Variants in ATXN7L1 observed in about 807,000 individuals in gnomAD.
The protein encoded by ATXN7L1 is ataxin 7 like 1, also known as ataxin-7-like protein 1.
A neutral mutation model predicts 70.8 loss-of-function variants in ATXN7L1; 15 were observed. That is an observed-to-expected ratio of 0.21 (90% CI 0.14 to 0.33). The LOEUF (loss-of-function observed/expected upper bound fraction) is 0.33. ATXN7L1 is among the 10% of genes least tolerant of loss of function. ATXN7L1 has a pLI of 1.00. For missense variants in ATXN7L1, 975 were observed against 1,097.1 expected (o/e 0.89, Z 1.57); for synonymous variants, 440 against 445.1 (o/e 0.99, Z 0.14).
chr7:105,767,982 C>A (rs144470453), intron 3 of ATXN7L1, among the ~76,000 whole-genome samples: 2 of 152,200 alleles, frequency 1.3e-5, no homozygotes, highest in Non-Finnish European at 2.9e-5. Flanking sequence ...TCAGGCCAGA[C>A]GTCTAAACGT....
intron 1 of ATXN7L1, 25 bp from the exon 2 acceptor site, chr7:105,875,905 A>C: frequency 6.2e-7 from 1 of 1,607,554 alleles, no homozygotes; most frequent in South Asian, 1.1e-5. Context: ...GAAAAGGAAA[A>C]CAGAAAATAA....
At chr7:105,730,248 G>A (rs767986630) in intron 3 of ATXN7L1, among the ~76,000 whole-genome samples, 6 of 152,340 alleles carry the variant, frequency 3.9e-5, no homozygotes, top group Middle Eastern at 3.4e-3. Context: ...CTTGATGTAT[G>A]TGATGAAAAT....
intron 4 of ATXN7L1, among the ~76,000 whole-genome samples, chr7:105,645,176 A>T (rs1372565422): frequency 1.3e-5 from 2 of 152,140 alleles, no homozygotes; most frequent in Non-Finnish European, 2.9e-5. Context: ...AAAGTTCTGG[A>T]GATTGGTTGC....
At chr7:105,747,361 G>C (rs1798701085) in intron 3 of ATXN7L1, among the ~76,000 whole-genome samples, 1 of 152,168 alleles carries the variant, frequency 6.6e-6, no homozygotes, top group African/African-American at 2.4e-5. Flanking sequence ...CTGAACACGT[G>C]GATGCTTACA....
intron 3 of ATXN7L1, among the ~76,000 whole-genome samples, chr7:105,764,940 A>G (rs1801047504): frequency 6.6e-6 from 1 of 152,166 alleles, no homozygotes; most frequent in Admixed American, 6.5e-5. Context: ...AATGAAATGC[A>G]GGATTATTTC....
intron 3 of ATXN7L1, among the ~76,000 whole-genome samples, chr7:105,752,581 G>A (rs1298787380): frequency 6.6e-6 from 1 of 152,146 alleles, no homozygotes; most frequent in Admixed American, 6.5e-5. Flanking sequence ...TTCCCAGGTG[G>A]CTCAAACATG....
chr7:105,617,914 C>T (rs1400030202), intron 9 of ATXN7L1: 2 of 456,590 alleles, frequency 4.4e-6, no homozygotes, highest in Non-Finnish European at 8.8e-6. Context: ...CGGCTGCCAT[C>T]CCTCCAGGTT....
At chr7:105,837,575 C>T (rs1289613242) in intron 2 of ATXN7L1, among the ~76,000 whole-genome samples, 1 of 152,052 alleles carries the variant, frequency 6.6e-6, no homozygotes, top group Non-Finnish European at 1.5e-5. Flanking sequence ...ATCCACAGCA[C>T]CAGTGAAAGG....
At chr7:105,863,268 A>G (rs1293460248) in intron 2 of ATXN7L1, among the ~76,000 whole-genome samples, 1 of 152,256 alleles carries the variant, frequency 6.6e-6, no homozygotes, top group African/African-American at 2.4e-5. Flanking sequence ...CCCTGAGGCC[A>G]GGACTCTGGC....
intron 3 of ATXN7L1, among the ~76,000 whole-genome samples, chr7:105,767,566 A>C (rs890908150): frequency 2.0e-5 from 3 of 152,134 alleles, no homozygotes; most frequent in African/African-American, 7.2e-5. Flanking sequence ...AAGTGTATAG[A>C]TGTCTGGTGT....
intron 3 of ATXN7L1, among the ~76,000 whole-genome samples, chr7:105,737,496 T>C (rs1039415709): frequency 6.6e-6 from 1 of 151,988 alleles, no homozygotes; most frequent in Non-Finnish European, 1.5e-5. Context: ...CATAGTAGCA[T>C]GCAGCTCTAG....
chr7:105,607,675 T>C lies in ATXN7L1; in HGVS notation c.*177A>G. On this transcript the variant is annotated 3_prime_UTR_variant, in exon 12 of 12. Coordinates refer to ENST00000419735, the MANE Select transcript of ATXN7L1 (RefSeq NM_020725.2). Reference sequence around the variant, plus strand: ...TGTAAATCTCAAATTCACCTTCTTTTGCCTTTTTAACTAAAAATTGGTCAA... The same window carrying C: ...TGTAAATCTCAAATTCACCTTCTTTCGCCTTTTTAACTAAAAATTGGTCAA... 1 of 589,732 alleles carries C rather than the reference T, an allele frequency of 1.7e-6. No individual in the cohort carries two copies. The highest frequency in any genetic ancestry group is 2.8e-5 in the East Asian group (1 of 35,986). The allele number at this position is 589,732 out of a possible 1,614,324, so 36.5% of individuals were successfully genotyped here.
At chr7:105,722,779 G>A (rs1795352402) in intron 3 of ATXN7L1, among the ~76,000 whole-genome samples, 1 of 151,506 alleles carries the variant, frequency 6.6e-6, no homozygotes, top group African/African-American at 2.4e-5. Context: ...CCACTACTCG[G>A]GAGGCTGAGG....
intron 3 of ATXN7L1, among the ~76,000 whole-genome samples, chr7:105,755,243 C>A (rs1351967473): frequency 6.6e-6 from 1 of 152,098 alleles, no homozygotes; most frequent in African/African-American, 2.4e-5. Flanking sequence ...AGAAATGATA[C>A]CCCAGCTGGA....
intron 3 of ATXN7L1, among the ~76,000 whole-genome samples, chr7:105,722,762 G>A (rs1012806555): frequency 6.6e-6 from 1 of 151,642 alleles, no homozygotes; most frequent in Non-Finnish European, 1.5e-5. Flanking sequence ...GCATGTGCCT[G>A]TAATCCCCAC....
At chr7:105,809,283 T>G (rs1459550717) in intron 2 of ATXN7L1, among the ~76,000 whole-genome samples, 2 of 152,240 alleles carry the variant, frequency 1.3e-5, no homozygotes, top group African/African-American at 4.8e-5. Flanking sequence ...CCATATAACA[T>G]GAGATCTACT....
chr7:105,842,333 A>T (rs1198086102), intron 2 of ATXN7L1, among the ~76,000 whole-genome samples: 1 of 152,010 alleles, frequency 6.6e-6, no homozygotes, highest in Non-Finnish European at 1.5e-5. Context: ...ATATGAGAAT[A>T]TTTTTACCAC....
chr7:105,780,937 T>A (rs747095043), intron 3 of ATXN7L1, among the ~76,000 whole-genome samples: 11 of 152,264 alleles, frequency 7.2e-5, no homozygotes, highest in South Asian at 2.1e-4. Flanking sequence ...CAGAAAAGCA[T>A]GAAATACAGT....
chr7:105,732,056 G>A (rs563565997), intron 3 of ATXN7L1, among the ~76,000 whole-genome samples: 1 of 152,204 alleles, frequency 6.6e-6, no homozygotes, highest in Admixed American at 6.5e-5. Flanking sequence ...TTGTGACACT[G>A]TACTCCAGCG....
Sources: allele counts gnomAD v4.1 joint callset (sites outside exome capture counted in the v4.1 genomes callset), GRCh38; gene constraint gnomAD v4.1.1; transcripts MANE v1.5; gene names NCBI Gene and HGNC (gene_info 2026-07-23, HGNC 2026-07-21).